ZFHX4: variants seen among roughly 807,000 people sequenced by gnomAD.
ZFHX4 encodes the protein zinc finger homeobox protein 4.
In ZFHX4, 56 loss-of-function variants were observed where a neutral mutation model predicts 267.6. The ratio of observed to expected loss-of-function variants is 0.21; its 90% CI spans 0.17 to 0.26. The LOEUF is 0.26. ZFHX4 is among the 10% of genes least tolerant of loss of function. The pLI is 1.00. For missense variants in ZFHX4, 4,332 were observed against 4,420.0 expected (o/e 0.98, Z 0.56); for synonymous variants, 1,778 against 1,665.6 (o/e 1.07, Z -1.64).
At chr8:76,832,141 G>T (rs1251540453) in intron 4 of ZFHX4, among the ~76,000 whole-genome samples, 1 of 152,046 alleles carries the variant, frequency 6.6e-6, no homozygotes. Flanking sequence ...CTATTTTCCA[G>T]GTTAATTGTT....
intron 3 of ZFHX4, chr8:76,733,558 GTT>G (rs974828650): frequency 2.0e-5 from 3 of 152,178 alleles, no homozygotes; most frequent in Admixed American, 6.5e-5. Context: ...CCTCCTTGCA[GTT>G]TTGAGTCAGT....
intron 3 of ZFHX4, among the ~76,000 whole-genome samples, chr8:76,717,310 C>T (rs1375453682): frequency 6.6e-6 from 1 of 152,216 alleles, no homozygotes. Flanking sequence ...CTCTCCTCCT[C>T]AAAATTCTGC....
intron 6 of ZFHX4, among the ~76,000 whole-genome samples, chr8:76,843,211 C>A (rs1812282660): frequency 6.6e-6 from 1 of 152,202 alleles, no homozygotes; most frequent in African/African-American, 2.4e-5. Context: ...CCACGTAACC[C>A]TAAAAATAAA....
intron 4 of ZFHX4, among the ~76,000 whole-genome samples, chr8:76,824,795 A>C (rs1418566356): frequency 6.6e-6 from 1 of 151,356 alleles, no homozygotes; most frequent in African/African-American, 2.4e-5. Context: ...CTGCTCTCGA[A>C]CTCCGGCTCA....
chr8:76,831,565 T>C (rs1423137683), intron 4 of ZFHX4, among the ~76,000 whole-genome samples: 1 of 152,208 alleles, frequency 6.6e-6, no homozygotes, highest in Non-Finnish European at 1.5e-5. Context: ...TATCAAAGTG[T>C]CTTAAGTGAC....
At position 76,851,719 on chromosome 8, in the gene ZFHX4, G is replaced by T; in HGVS notation, c.4798G>T (p.Val1600Phe). The T allele has an allele frequency of 1.9e-6, 3 of 1,613,960 alleles. No individual in the cohort carries two copies. In the South Asian group the frequency reaches 3.3e-5, roughly 18 times the overall value. Residue 1600 changes from valine to phenylalanine, a missense_variant, in exon 10 of 11, where the codon GTT (valine) becomes TTT (phenylalanine). Transcript: ENST00000651372. Reference protein sequence around the residue: ...NKPYKCSICNVAYSQSSTLEI... With the variant: ...NKPYKCSICNFAYSQSSTLEI... ...ACCCTACAAGTGCAGCATCTGCAATGTTGCATACAGCCAAAGCTCAACATT... is the reference window on the plus strand; with the variant it reads ...ACCCTACAAGTGCAGCATCTGCAATTTTGCATACAGCCAAAGCTCAACATT...
chr8:76,791,340 G>A (rs1303131985), intron 4 of ZFHX4, among the ~76,000 whole-genome samples: 4 of 152,068 alleles, frequency 2.6e-5, no homozygotes, highest in Non-Finnish European at 5.9e-5. Flanking sequence ...AACGTTAGCT[G>A]TTTCAAAGAA....
Position 76,855,364 on chromosome 8 carries a change from A to G in ZFHX4, c.8443A>G (p.Thr2815Ala), listed in dbSNP as rs1812686108. The change falls in exon 10 of 11, where the codon ACC becomes GCC. Residue 2815 changes from threonine (T) to alanine (A), a missense_variant. This residue lies in a region of ZFHX4 where 1,648 missense variants were observed against 1,625.0 expected (regional missense o/e 1.01). Coordinates refer to ENST00000651372, the MANE Select transcript of ZFHX4 (RefSeq NM_024721.5). ...SINTAISDAT[T>A]GDEGNTEMES... ...TAATACGGCAATCAGTGACGCCACC[A>G]CCGGAGACGAGGGAAACACTGAAAT... 6.2e-7 allele frequency: 1 copy of G among 1,613,562 alleles called. No homozygotes were observed. The highest frequency in any genetic ancestry group is 1.1e-5 in the South Asian group (1 of 91,060).
At chr8:76,715,623 G>C (rs1169523056) in intron 3 of ZFHX4, among the ~76,000 whole-genome samples, 1 of 151,238 alleles carries the variant, frequency 6.6e-6, no homozygotes, top group Non-Finnish European at 1.5e-5. Flanking sequence ...TAAGGTCAAT[G>C]AAAGTACTGC....
At chr8:76,747,252 T>C (rs1229282954) in intron 3 of ZFHX4, among the ~76,000 whole-genome samples, 1 of 152,212 alleles carries the variant, frequency 6.6e-6, no homozygotes, top group Non-Finnish European at 1.5e-5. Flanking sequence ...AAGCATGCTC[T>C]ATTAAGCTCG....
At chr8:76,709,099 T>G (rs1808355352) in intron 3 of ZFHX4, among the ~76,000 whole-genome samples, 1 of 152,204 alleles carries the variant, frequency 6.6e-6, no homozygotes, top group East Asian at 1.9e-4. Flanking sequence ...TCTAACACTA[T>G]TTAAAATTAT....
At chr8:76,833,125 T>C (rs1001450097) in intron 4 of ZFHX4, among the ~76,000 whole-genome samples, 5 of 152,144 alleles carry the variant, frequency 3.3e-5, no homozygotes, top group Admixed American at 6.6e-5. Flanking sequence ...TCTGTGCTGC[T>C]AATACTTAAG....
chr8:76,810,683 A>C (rs935893547), intron 4 of ZFHX4, among the ~76,000 whole-genome samples: 2 of 152,226 alleles, frequency 1.3e-5, no homozygotes, highest in African/African-American at 2.4e-5. Context: ...AATCAGCTGT[A>C]AATAAATATT....
intron 6 of ZFHX4, among the ~76,000 whole-genome samples, chr8:76,844,103 G>A (rs1812306144): frequency 1.3e-5 from 2 of 152,176 alleles, no homozygotes; most frequent in African/African-American, 4.8e-5. Flanking sequence ...AGTTACTGAG[G>A]AGGAATTAGA....
intron 4 of ZFHX4, among the ~76,000 whole-genome samples, chr8:76,822,250 T>C (rs1811668714): frequency 6.6e-6 from 1 of 152,138 alleles, no homozygotes; most frequent in African/African-American, 2.4e-5. Flanking sequence ...ATTAGACCCA[T>C]TGGCAAGTCC....
In ZFHX4 at chr8:76,852,333, A is replaced by C. The variant is rs768793359; in HGVS notation, c.5412A>C (p.Gln1804His). ...QILQQQAQQY[Q>H]ATQPQLQPQK... ...TACAGCAACAAGCACAACAATACCAAGCCACACAGCCCCAGCTGCAGCCTC... is the reference window on the plus strand; with the variant it reads ...TACAGCAACAAGCACAACAATACCACGCCACACAGCCCCAGCTGCAGCCTC... Residue 1804 changes from glutamine to histidine, a missense_variant, in exon 10 of 11, where the codon CAA (glutamine) becomes CAC (histidine). Around this residue, in one of 7 missense-constraint regions of ZFHX4, gnomAD observed 1,371 missense variants for 1,423.1 expected, o/e 0.96. Coordinates refer to ENST00000651372, the MANE Select transcript of ZFHX4 (RefSeq NM_024721.5). The C allele has an allele frequency of 3.1e-5, 48 of 1,553,558 alleles. No individual in the cohort carries two copies. Among genetic ancestry groups the C allele is most frequent in the Non-Finnish European group, 4.1e-5 (47 of 1,148,030 alleles).
chr8:76,748,447 G>GT (rs906621442), intron 3 of ZFHX4, among the ~76,000 whole-genome samples: 3 of 152,098 alleles, frequency 2.0e-5, no homozygotes, highest in African/African-American at 7.2e-5. Flanking sequence ...TGTATTTGTA[G>GT]TTTTTTTGTT....
In ZFHX4 at chr8:76,705,625, A is replaced by G. The variant is rs1001363635; in HGVS notation, c.1537A>G (p.Ser513Gly). The change falls in exon 2 of 11, where the codon AGT (serine) becomes GGT (glycine). Residue 513 changes from serine to glycine, a missense_variant. Physicochemically the swap from Ser to Gly is moderately conservative, Grantham distance 56 (BLOSUM62 0). Around this residue, in one of 7 missense-constraint regions of ZFHX4, gnomAD observed 1,195 missense variants for 1,173.6 expected, o/e 1.02. Transcript: ENST00000651372. Reference sequence around the variant, plus strand: ...CCAAAGCATTTCTCCTTTATCATCCAGTGTGCTAAAATTTATTGAAAAGGG... The same window carrying G: ...CCAAAGCATTTCTCCTTTATCATCCGGTGTGCTAAAATTTATTGAAAAGGG... ...LNQSISPLSS[S>G]VLKFIEKGTS... The G allele has an allele frequency of 1.9e-6, 3 of 1,613,916 alleles. No individual in the cohort carries two copies. In the African/African-American group the frequency reaches 4.0e-5, roughly 22 times the overall value.
chr8:76,854,010 T>A lies in ZFHX4; in HGVS notation c.7089T>A (p.His2363Gln), dbSNP rs368215813. Reference sequence around the variant, plus strand: ...CCACTGATCAAGTGGTATACAAGCATTGCACAGTGTCTGGCCAAACGGATG... The same window carrying A: ...CCACTGATCAAGTGGTATACAAGCAATGCACAGTGTCTGGCCAAACGGATG... ...MDATDQVVYKHCTVSGQTDAA... is the reference protein window; with the variant it reads ...MDATDQVVYKQCTVSGQTDAA... Residue 2363 changes from histidine (H) to glutamine (Q), a missense_variant, in exon 10 of 11, where the codon CAT becomes CAA. This residue lies in a region of ZFHX4 where 1,648 missense variants were observed against 1,625.0 expected (regional missense o/e 1.01). Transcript: ENST00000651372. 1.9e-6 allele frequency: 3 copies of A among 1,613,880 alleles called. No individual in the cohort carries two copies. The South Asian group carries it at 3.3e-5, about 18-fold the overall frequency.
Sources: gnomAD v4.1 joint callset for allele counts (sites outside exome capture counted in the v4.1 genomes callset) on GRCh38, gnomAD v4.1.1 for gene constraint, gnomAD v4.1.1 regional missense constraint, MANE v1.5 for transcripts, NCBI Gene and HGNC (gene_info 2026-07-23, HGNC 2026-07-21) for gene names.